LRFN5: variants seen among roughly 807,000 people sequenced by gnomAD.
LRFN5 encodes the protein leucine rich repeat and fibronectin type III domain containing 5.
A neutral mutation model predicts 45.6 loss-of-function variants in LRFN5; 24 were observed. That is an observed-to-expected ratio of 0.53 (90% CI 0.38 to 0.74). The LOEUF (loss-of-function observed/expected upper bound fraction) is 0.74. Among genes scored for constraint, LRFN5 ranks in the 30% least tolerant of loss-of-function variants. LRFN5 has a pLI of 0.00. For missense variants in LRFN5, 776 were observed against 861.5 expected, an observed-to-expected ratio of 0.90 and a Z score of 1.24; for synonymous variants, 340 against 313.8, an observed-to-expected ratio of 1.08 and a Z score of -0.88.
chr14:41,659,966 A>G lies in LRFN5; in HGVS notation c.-197+51404A>G, dbSNP rs567253769. Among the ~76,000 whole-genome samples, 3 of 150,772 alleles carry G rather than the reference A, an allele frequency of 2.0e-5. No individual in the cohort carries two copies. The South Asian group carries it at 6.2e-4, about 31-fold the overall frequency. On this transcript the variant is annotated intron_variant, in intron 1 of 5. Transcript: ENST00000298119. Reference sequence around the variant, plus strand: ...TATTAGTCCTTTGTCAGATAGATAGATTGCAGAAAATTTCTCCAATTCTGT... The same window carrying G: ...TATTAGTCCTTTGTCAGATAGATAGGTTGCAGAAAATTTCTCCAATTCTGT...
chr14:41,866,610 G>GA (rs1467428442), intron 2 of LRFN5, among the ~76,000 whole-genome samples: 6 of 152,006 alleles, frequency 3.9e-5, no homozygotes, highest in Admixed American at 3.3e-4. Context: ...AACTCACCCT[G>GA]ATAACCCCGT....
chr14:41,844,309 C>T (rs1209645982), intron 2 of LRFN5, among the ~76,000 whole-genome samples: 1 of 151,622 alleles, frequency 6.6e-6, no homozygotes, highest in East Asian at 1.9e-4. Context: ...TGGTGGTGGG[C>T]ACCTGTAGTC....
At chr14:41,861,679 G>A (rs11622427) in intron 2 of LRFN5, among the ~76,000 whole-genome samples, 1 of 152,148 alleles carries the variant, frequency 6.6e-6, no homozygotes, top group East Asian at 1.9e-4. Flanking sequence ...GTGAATAGAA[G>A]GCTGCAATAG....
intron 1 of LRFN5, among the ~76,000 whole-genome samples, chr14:41,691,511 A>G (rs1190139686): frequency 6.6e-6 from 1 of 152,086 alleles, no homozygotes; most frequent in Non-Finnish European, 1.5e-5. Flanking sequence ...TAAACTTCCC[A>G]TATGTATTTG....
chr14:41,674,590 G>A (rs1331245563), intron 1 of LRFN5, among the ~76,000 whole-genome samples: 7 of 146,942 alleles, frequency 4.8e-5, no homozygotes, highest in Admixed American at 4.7e-4. Context: ...GGGGCGGCTG[G>A]CCGGGCAGGG....
chr14:41,652,910 C>T (rs116616888), intron 1 of LRFN5, among the ~76,000 whole-genome samples: 2,831 of 152,042 alleles, frequency 0.019, 80 homozygotes, highest in African/African-American at 0.064. Context: ...TTCTCTAATG[C>T]TCAGTATTGT....
intron 2 of LRFN5, among the ~76,000 whole-genome samples, chr14:41,812,733 T>C (rs1386712386): frequency 6.6e-6 from 1 of 152,030 alleles, no homozygotes; most frequent in Non-Finnish European, 1.5e-5. Flanking sequence ...TAAATAAAAT[T>C]GATGATGAAA....
intron 1 of LRFN5, among the ~76,000 whole-genome samples, chr14:41,648,262 G>A (rs539455854): frequency 6.6e-6 from 1 of 152,108 alleles, no homozygotes; most frequent in Admixed American, 6.6e-5. Flanking sequence ...GAAAAAAATT[G>A]ACATTGGAAA....
At chr14:41,649,558 C>T (rs1190209612) in intron 1 of LRFN5, among the ~76,000 whole-genome samples, 3 of 152,124 alleles carry the variant, frequency 2.0e-5, no homozygotes, top group African/African-American at 7.2e-5. Flanking sequence ...CTGTGCACTT[C>T]ATTATAAAAT....
At chr14:41,639,020 A>G (rs1342149631) in intron 1 of LRFN5, among the ~76,000 whole-genome samples, 2 of 152,188 alleles carry the variant, frequency 1.3e-5, no homozygotes, top group African/African-American at 2.4e-5. Flanking sequence ...TTATATTTAC[A>G]GTAAATAGAA....
At chr14:41,734,787 C>A (rs191503788) in intron 1 of LRFN5, among the ~76,000 whole-genome samples, 2 of 151,316 alleles carry the variant, frequency 1.3e-5, no homozygotes, top group African/African-American at 4.9e-5. Context: ...TAGTGGTATG[C>A]TTTGAATTAT....
intron 2 of LRFN5, among the ~76,000 whole-genome samples, chr14:41,806,061 A>AAT (rs1887515825): frequency 6.6e-6 from 1 of 152,172 alleles, no homozygotes; most frequent in East Asian, 1.9e-4. Flanking sequence ...GCCATCTCCA[A>AAT]ATATGTCAAA....
At chr14:41,724,680 A>G (rs956754399) in intron 1 of LRFN5, among the ~76,000 whole-genome samples, 2 of 152,174 alleles carry the variant, frequency 1.3e-5, no homozygotes, top group Admixed American at 6.5e-5. Context: ...AGAATGTGTT[A>G]TGACTAATAT....
intron 2 of LRFN5, among the ~76,000 whole-genome samples, chr14:41,806,645 AC>A (rs1288806092): frequency 6.6e-6 from 1 of 152,156 alleles, no homozygotes; most frequent in Non-Finnish European, 1.5e-5. Flanking sequence ...TGAAATTGGA[AC>A]ACGGTATGAT....
chr14:41,793,619 T>C (rs931758724), intron 2 of LRFN5, among the ~76,000 whole-genome samples: 1 of 151,704 alleles, frequency 6.6e-6, no homozygotes. Context: ...AAAATGTTAA[T>C]CCAAAGAGCA....
At chr14:41,653,872 A>C (rs558675775) in intron 1 of LRFN5, among the ~76,000 whole-genome samples, 1 of 152,230 alleles carries the variant, frequency 6.6e-6, no homozygotes, top group African/African-American at 2.4e-5. Flanking sequence ...CAGGAGTAAC[A>C]GGTTAATCAG....
intron 2 of LRFN5, among the ~76,000 whole-genome samples, chr14:41,777,483 C>A (rs1298438250): frequency 1.3e-5 from 2 of 151,654 alleles, no homozygotes; most frequent in African/African-American, 4.8e-5. Flanking sequence ...AGTAACATTG[C>A]TTTTTATCAT....
chr14:41,609,997 G>C (rs372019828), intron 1 of LRFN5: 4 of 152,498 alleles, frequency 2.6e-5, no homozygotes, highest in African/African-American at 7.2e-5. Flanking sequence ...CTCGGCTGCT[G>C]CTGCAGCCCT....
intron 1 of LRFN5, among the ~76,000 whole-genome samples, chr14:41,744,466 G>A (rs958802870): frequency 8.5e-5 from 13 of 152,242 alleles, no homozygotes; most frequent in African/African-American, 2.9e-4. Flanking sequence ...GAAATGAGGA[G>A]CATTATTCTA....
Sources: gnomAD v4.1 joint callset for allele counts (sites outside exome capture counted in the v4.1 genomes callset) on GRCh38, gnomAD v4.1.1 for gene constraint, MANE v1.5 for transcripts, NCBI Gene and HGNC (gene_info 2026-07-23, HGNC 2026-07-21) for gene names.